CFAP44: variants seen among roughly 807,000 people sequenced by gnomAD.
CFAP44 encodes the protein cilia and flagella associated protein 44.
CFAP44 carries 134 observed loss-of-function variants against 216.2 expected under a neutral mutation model. The ratio of observed to expected loss-of-function variants is 0.62; its 90% CI spans 0.54 to 0.72. The LOEUF (loss-of-function observed/expected upper bound fraction) is 0.72, where lower values mean the gene tolerates loss of function less well. Among genes scored for constraint, CFAP44 ranks in the 30% least tolerant of loss-of-function variants. The probability of loss-of-function intolerance (pLI) is 0.00; values close to 1 mark genes in which losing one functional copy is unlikely to be tolerated. For synonymous variants in CFAP44, 700 were observed against 727.6 expected, an observed-to-expected ratio of 0.96 and a Z score of 0.61; for missense variants, 2,035 against 2,182.1, an observed-to-expected ratio of 0.93 and a Z score of 1.34.
At chr3:113,425,894 G>C (rs1022902913) in intron 4 of CFAP44, 7 of 444,592 alleles carry the variant, frequency 1.6e-5, no homozygotes, top group Non-Finnish European at 2.8e-5. Flanking sequence ...AATAGTTTTT[G>C]CCTTGTGAGC....
At position 113,333,598 on chromosome 3, in the gene CFAP44, G is replaced by A. The variant is rs768270796; in HGVS notation, c.3438-15C>T. 5.3e-6 allele frequency: 8 copies of A among 1,502,386 alleles called. No homozygotes were observed. Among genetic ancestry groups the A allele is most frequent in the Non-Finnish European group, 7.1e-6 (8 of 1,131,844 alleles). The allele number at this position is 1,502,386 out of a possible 1,614,324, so 93.1% of individuals were successfully genotyped here. ...TACTCTTGTATCTATTAGAAAAACA[G>A]ACAACCCCCCCACACACAAATATGA... On this transcript the variant is annotated splice_polypyrimidine_tract_variant and intron_variant, in intron 24 of 34. Coordinates refer to ENST00000393845, the MANE Select transcript of CFAP44 (RefSeq NM_001164496.2).
chr3:113,310,494 G>C (rs1389820682), intron 28 of CFAP44, among the ~76,000 whole-genome samples: 2 of 152,190 alleles, frequency 1.3e-5, no homozygotes, highest in African/African-American at 4.8e-5. Flanking sequence ...TTCCTTGTCA[G>C]ATTAGTGTTT....
At chr3:113,408,085 T>C (rs1396941602) in intron 7 of CFAP44, among the ~76,000 whole-genome samples, 2 of 152,226 alleles carry the variant, frequency 1.3e-5, no homozygotes, top group African/African-American at 4.8e-5. Context: ...TCAATTAGTC[T>C]ATATTTCTAA....
intron 30 of CFAP44, 74 bp from the exon 31 acceptor site, chr3:113,305,226 A>C (rs1949974089): frequency 1.6e-6 from 2 of 1,279,238 alleles, no homozygotes; most frequent in Middle Eastern, 1.8e-4. Context: ...GAATGAAGGC[A>C]TCTTGGGAGG....
intron 15 of CFAP44, among the ~76,000 whole-genome samples, chr3:113,393,640 C>T (rs923384646): frequency 3.9e-5 from 6 of 152,206 alleles, no homozygotes; most frequent in African/African-American, 7.2e-5. Flanking sequence ...CTCAACCTCC[C>T]GAGTAGCTGG....
intron 26 of CFAP44, among the ~76,000 whole-genome samples, chr3:113,329,845 C>T (rs1950224838): frequency 6.6e-6 from 1 of 152,180 alleles, no homozygotes; most frequent in Non-Finnish European, 1.5e-5. Context: ...CATCCATCAT[C>T]TAAAAGCTGC....
intron 32 of CFAP44, among the ~76,000 whole-genome samples, chr3:113,302,399 A>T (rs569115417): frequency 1.5e-4 from 23 of 151,394 alleles, no homozygotes; most frequent in East Asian, 5.8e-4. Context: ...TAGATTGATT[A>T]AAAAAATTAC....
intron 18 of CFAP44, among the ~76,000 whole-genome samples, chr3:113,370,219 AACTCATTTTATGAGG>A (rs536429602): frequency 2.0e-3 from 305 of 152,318 alleles, no homozygotes; most frequent in African/African-American, 6.9e-3. Context: ...AATCCTCCCT[AACTCATTTTATGAGG>A]GCAGCATCAT....
chr3:113,340,382 A>G (rs1019177960), intron 24 of CFAP44, among the ~76,000 whole-genome samples: 1 of 152,226 alleles, frequency 6.6e-6, no homozygotes, highest in Non-Finnish European at 1.5e-5. Flanking sequence ...TCGACCTCCC[A>G]GTTAGGGTGG....
At chr3:113,339,090 G>A (rs969085400) in intron 24 of CFAP44, among the ~76,000 whole-genome samples, 1 of 152,182 alleles carries the variant, frequency 6.6e-6, no homozygotes, top group Non-Finnish European at 1.5e-5. Context: ...CAGACCATCT[G>A]TCCTCACATC....
At chr3:113,437,600 A>G (rs999636797) in intron 1 of CFAP44, among the ~76,000 whole-genome samples, 1 of 152,216 alleles carries the variant, frequency 6.6e-6, no homozygotes, top group African/African-American at 2.4e-5. Context: ...CTGGAAACCA[A>G]GGAATTTGCC....
chr3:113,297,182 G>A (rs1949889977), intron 32 of CFAP44, among the ~76,000 whole-genome samples: 1 of 151,896 alleles, frequency 6.6e-6, no homozygotes, highest in African/African-American at 2.4e-5. Flanking sequence ...TTATGAGCTT[G>A]TCAGTTTTTT....
intron 6 of CFAP44, among the ~76,000 whole-genome samples, chr3:113,412,798 C>T (rs960069426): frequency 7.2e-5 from 11 of 152,092 alleles, no homozygotes; most frequent in Non-Finnish European, 1.3e-4. Context: ...GTTGGTTCCA[C>T]GTCTTTGCTA....
At chr3:113,352,705 C>T (rs1464707611) in intron 22 of CFAP44, among the ~76,000 whole-genome samples, 1 of 151,982 alleles carries the variant, frequency 6.6e-6, no homozygotes, top group Non-Finnish European at 1.5e-5. Context: ...GAAAAATGAA[C>T]AAGAAATCTA....
chr3:113,379,193 AAAAT>A (rs1170130537), intron 17 of CFAP44, 109 bp downstream of exon 17: 11 of 866,012 alleles, frequency 1.3e-5, no homozygotes, highest in South Asian at 8.3e-5. Flanking sequence ...AATCTAAAAA[AAAAT>A]AAATAGATAA....
intron 8 of CFAP44, among the ~76,000 whole-genome samples, chr3:113,405,118 T>A (rs186126256): frequency 2.1e-4 from 32 of 152,322 alleles, no homozygotes; most frequent in Admixed American, 5.9e-4. Context: ...TTTACCTGCA[T>A]GCTCTAGAGG....
chr3:113,430,120 G>C (rs1935065307), intron 2 of CFAP44, among the ~76,000 whole-genome samples: 1 of 151,814 alleles, frequency 6.6e-6, no homozygotes, highest in South Asian at 2.1e-4. Flanking sequence ...ATATAGAATA[G>C]ATATGTTCTC....
chr3:113,354,392 G>T (rs1025912340), intron 22 of CFAP44, among the ~76,000 whole-genome samples: 14 of 152,178 alleles, frequency 9.2e-5, no homozygotes, highest in Admixed American at 7.8e-4. Context: ...CCTGGTCTGG[G>T]GCAGTTCTCA....
At position 113,409,201 on chromosome 3, in the gene CFAP44, T is replaced by C. The variant is rs143566374; in HGVS notation, c.795A>G (p.Ile265Met). 2.1e-4 allele frequency: 336 copies of C among 1,614,092 alleles called. No homozygotes were observed. The African/African-American group carries it at 4.1e-3, about 20-fold the overall frequency. ...TIWNWKEEQP[I>M]LRTKAFSQEV... ...CCTGAGAAAAAGCTTTTGTCCTTAG[T>C]ATGGGTTGTTCTTCTTTCCAGTTCC... Residue 265 changes from isoleucine (I) to methionine (M), a missense_variant, in exon 7 of 35, where the codon ATA becomes ATG. By Grantham distance (10) the Ile-to-Met change is conservative. Transcript: ENST00000393845.
Sources: gnomAD v4.1 joint callset for allele counts (sites outside exome capture counted in the v4.1 genomes callset) on GRCh38, gnomAD v4.1.1 for gene constraint, MANE v1.5 for transcripts, NCBI Gene and HGNC (gene_info 2026-07-23, HGNC 2026-07-21) for gene names.